Variants in XIRP2 observed in about 807,000 individuals in gnomAD.
XIRP2 encodes the protein xin actin-binding repeat-containing protein 2.
Under a neutral mutation model 277.0 loss-of-function variants are expected in XIRP2, and 236 were observed. That is an observed-to-expected ratio of 0.85 (90% CI 0.77 to 0.95). XIRP2 has a LOEUF of 0.95. Ranked by LOEUF, XIRP2 falls within the 40% of genes least tolerant of loss-of-function variation. The pLI is 0.00. For missense variants in XIRP2, 4,640 were observed against 4,157.5 expected (o/e 1.12, Z -3.19); for synonymous variants, 1,490 against 1,416.5 (o/e 1.05, Z -1.17).
chr2:167,032,434 C>T (rs541338333), intron 2 of XIRP2, among the ~76,000 whole-genome samples: 1 of 152,094 alleles, frequency 6.6e-6, no homozygotes, highest in East Asian at 1.9e-4. Flanking sequence ...GCAGAAAAAG[C>T]CAAAATTGAC....
At chr2:167,146,531 T>G (rs148837586) in intron 3 of XIRP2, among the ~76,000 whole-genome samples, 3,870 of 150,278 alleles carry the variant, frequency 0.026, 75 homozygotes, top group East Asian at 0.051. Flanking sequence ...AAGAAAGAAA[T>G]TAATTATAGA....
At chr2:166,971,811 T>C (rs1011609097) in intron 2 of XIRP2, among the ~76,000 whole-genome samples, 32 of 152,156 alleles carry the variant, frequency 2.1e-4, no homozygotes, top group Admixed American at 1.3e-3. Context: ...TTGAACAACA[T>C]GAAAATCACA....
chr2:167,099,701 G>A (rs1467764015), intron 2 of XIRP2, among the ~76,000 whole-genome samples: 1 of 152,096 alleles, frequency 6.6e-6, no homozygotes, highest in Non-Finnish European at 1.5e-5. Context: ...ATAGTATCTG[G>A]GCTGGATAGC....
rs1032983939 is a variant in XIRP2, at chr2:167,250,937, T to C, written c.9545T>C (p.Leu3182Pro). 1 of 1,613,218 alleles carries C rather than the reference T, an allele frequency of 6.2e-7. No homozygotes were observed. Among genetic ancestry groups the C allele is most frequent in the East Asian group, 2.2e-5 (1 of 44,778 alleles). ...PSPPRSRSEQ[L>P]VRLKDTTAKL... is the part of the protein sequence containing the mutation. The stretch of plus-strand genomic sequence containing the variant: ...CCACCCAGGAGTCGCTCTGAACAAC[T>C]TGTCAGACTCAAAGACACCACTGCA... Residue 3182 changes from leucine (L) to proline (P), a missense_variant, in exon 9 of 11, where the codon CTT becomes CCT. Transcript: ENST00000409195.
intron 2 of XIRP2, among the ~76,000 whole-genome samples, chr2:167,009,344 T>C (rs79580534): frequency 0.1 from 15,699 of 151,584 alleles, 1,317 homozygotes; most frequent in East Asian, 0.37. Flanking sequence ...GATATTTTGC[T>C]GAGAATGATG....
chr2:166,974,084 C>T (rs761010932), intron 2 of XIRP2, among the ~76,000 whole-genome samples: 3 of 152,136 alleles, frequency 2.0e-5, no homozygotes, highest in Admixed American at 2.0e-4. Flanking sequence ...TGTAGGCAAA[C>T]ACTGGGTGAT....
At chr2:167,090,665 C>T (rs1690113231) in intron 2 of XIRP2, among the ~76,000 whole-genome samples, 1 of 152,002 alleles carries the variant, frequency 6.6e-6, no homozygotes. Context: ...TTTGGCACTG[C>T]ATTACAACAT....
chr2:167,242,027 G>A, intron 8 of XIRP2, 117 bp downstream of exon 8: 6 of 1,321,690 alleles, frequency 4.5e-6, no homozygotes, highest in Admixed American at 2.7e-5. Flanking sequence ...ATTCTGAACT[G>A]GCATTTATTC....
At chr2:167,008,161 T>C (rs1225448753) in intron 2 of XIRP2, among the ~76,000 whole-genome samples, 1 of 151,646 alleles carries the variant, frequency 6.6e-6, no homozygotes, top group Non-Finnish European at 1.5e-5. Context: ...TCTTTATGAT[T>C]AACTCTAATT....
At chr2:167,161,836 A>G (rs1376861407) in intron 3 of XIRP2, among the ~76,000 whole-genome samples, 1 of 152,054 alleles carries the variant, frequency 6.6e-6, no homozygotes, top group Non-Finnish European at 1.5e-5. Flanking sequence ...TTTCTATCGC[A>G]TTGTCAAGAT....
Position 167,246,101 on chromosome 2 carries a change from T to C in XIRP2, c.4709T>C (p.Ile1570Thr), listed in dbSNP as rs1695251403. 1 of 1,613,532 alleles carries C rather than the reference T, an allele frequency of 6.2e-7. No homozygotes were observed. The highest frequency in any genetic ancestry group is 1.1e-5 in the South Asian group (1 of 91,036). ...CAAAAAGTTATCCAGGCTCCTGGAATCATCATTGAAGCTGATGAAATAGGG... is the reference window on the plus strand; with the variant it reads ...CAAAAAGTTATCCAGGCTCCTGGAACCATCATTGAAGCTGATGAAATAGGG... The part of the protein sequence containing the change: ...YSQKVIQAPG[I>T]IIEADEIGDV... The change falls in exon 9 of 11, where the codon ATC becomes ACC. Residue 1570 changes from isoleucine (I) to threonine (T), a missense_variant. Ile to Thr is a moderately conservative substitution (Grantham distance 89). Coordinates refer to ENST00000409195, the MANE Select transcript of XIRP2 (RefSeq NM_152381.6).
At chr2:167,075,915 A>T (rs1440567378) in intron 2 of XIRP2, among the ~76,000 whole-genome samples, 1 of 151,412 alleles carries the variant, frequency 6.6e-6, no homozygotes, top group Non-Finnish European at 1.5e-5. Flanking sequence ...GTCTCAAGTG[A>T]TCCGCTCGCC....
intron 2 of XIRP2, among the ~76,000 whole-genome samples, chr2:167,110,236 T>C (rs940754852): frequency 6.6e-6 from 1 of 152,114 alleles, no homozygotes; most frequent in Non-Finnish European, 1.5e-5. Context: ...CATCATGAAA[T>C]CTTGCCAAAT....
intron 1 of XIRP2, among the ~76,000 whole-genome samples, chr2:166,901,780 A>G (rs1310393836): frequency 1.3e-5 from 2 of 152,042 alleles, no homozygotes; most frequent in East Asian, 3.9e-4. Context: ...TTTTATTGAG[A>G]TTTTTTATAA....
At chr2:167,109,416 G>A (rs1258327820) in intron 2 of XIRP2, among the ~76,000 whole-genome samples, 5 of 152,062 alleles carry the variant, frequency 3.3e-5, no homozygotes, top group African/African-American at 1.2e-4. Flanking sequence ...AAGTAGCTGG[G>A]ACTACAGGCA....
chr2:167,149,056 A>G (rs17616990), intron 3 of XIRP2, among the ~76,000 whole-genome samples: 2,226 of 152,226 alleles, frequency 0.015, 12 homozygotes, highest in Non-Finnish European at 0.023. Flanking sequence ...GACTGTACAC[A>G]TAGGAGTGAA....
At chr2:167,085,894 C>A (rs1028897410) in intron 2 of XIRP2, among the ~76,000 whole-genome samples, 2 of 152,140 alleles carry the variant, frequency 1.3e-5, no homozygotes, top group Non-Finnish European at 2.9e-5. Context: ...GACTCTTTAT[C>A]CAATTTGCCA....
chr2:167,212,224 C>CAGGA (rs1694067916), intron 4 of XIRP2, among the ~76,000 whole-genome samples: 1 of 152,180 alleles, frequency 6.6e-6, no homozygotes, highest in African/African-American at 2.4e-5. Flanking sequence ...TATAGTACCT[C>CAGGA]CTGCCAGTCT....
chr2:166,894,871 G>A (rs890275774), intron 1 of XIRP2, among the ~76,000 whole-genome samples: 1 of 152,106 alleles, frequency 6.6e-6, no homozygotes, highest in Admixed American at 6.6e-5. Flanking sequence ...ATATTTTGAG[G>A]GTGCTAAAAT....
Sources: gnomAD v4.1 joint callset for allele counts (sites outside exome capture counted in the v4.1 genomes callset) on GRCh38, gnomAD v4.1.1 for gene constraint, MANE v1.5 for transcripts, NCBI Gene and HGNC (gene_info 2026-07-23, HGNC 2026-07-21) for gene names.